Variants in CACNA1C observed in about 807,000 individuals in gnomAD.
CACNA1C encodes the protein voltage-dependent L-type calcium channel subunit alpha-1C.
Under a neutral mutation model 229.0 loss-of-function variants are expected in CACNA1C, and 30 were observed. The ratio of observed to expected loss-of-function variants is 0.13; its 90% CI spans 0.10 to 0.18. The LOEUF is 0.18. Ranked by LOEUF, CACNA1C falls within the 10% of genes least tolerant of loss-of-function variation. The pLI, the probability that CACNA1C is intolerant of heterozygous loss-of-function variation, is 1.00. For missense variants in CACNA1C, 1,658 were observed against 2,845.0 expected (o/e 0.58, Z 9.49); for synonymous variants, 1,114 against 1,132.5 (o/e 0.98, Z 0.33).
chr12:2,291,099 A>C (rs751458638), intron 3 of CACNA1C, among the ~76,000 whole-genome samples: 1 of 152,212 alleles, frequency 6.6e-6, no homozygotes, highest in African/African-American at 2.4e-5. Context: ...GTGATGGTGA[A>C]TATGTCGTAG....
Position 2,486,360 on chromosome 12 carries a change from AG to A in CACNA1C, c.916+101del. 1 of 982,760 alleles carries A rather than the reference AG, an allele frequency of 1.0e-6. No individual in the cohort carries two copies. The allele number at this position is 982,760 out of a possible 1,614,324, so 60.9% of individuals were successfully genotyped here. A position where few individuals can be genotyped will look rare whatever the true frequency, so the allele number is the denominator to read the frequency against. ...TACACCAACATGACCAGCAGAGCCC[AG>A]GGAAGGCCCCATTCATTCAGACACA... is the stretch of plus-strand genomic sequence containing the variant. On this transcript the variant is annotated intron_variant, in intron 6 of 46. Coordinates refer to ENST00000399655, the MANE Select transcript of CACNA1C (RefSeq NM_000719.7). The surrounding 1 kb of genome is among the most constrained non-coding windows in gnomAD (Gnocchi z 4.9).
At chr12:1,985,912 G>A (rs761829854) in intron 1 of CACNA1C, among the ~76,000 whole-genome samples, 1 of 152,044 alleles carries the variant, frequency 6.6e-6, no homozygotes. Flanking sequence ...CTGGGTTCAC[G>A]CCATTCTCCT....
intron 42 of CACNA1C, chr12:2,681,812 A>G (rs2153814394): frequency 6.2e-6 from 4 of 643,066 alleles, no homozygotes; most frequent in South Asian, 5.4e-5. Flanking sequence ...TGATGCCCTC[A>G]GGGGTCTGAG....
chr12:2,023,400 C>G (rs2046796166), intron 1 of CACNA1C, among the ~76,000 whole-genome samples: 2 of 152,180 alleles, frequency 1.3e-5, no homozygotes, highest in South Asian at 4.1e-4. Flanking sequence ...GCTTTTATCA[C>G]TTTCTACTCC....
chr12:2,548,084 T>C (rs2099885147), intron 9 of CACNA1C, among the ~76,000 whole-genome samples: 1 of 139,088 alleles, frequency 7.2e-6, no homozygotes, highest in African/African-American at 2.5e-5. Flanking sequence ...AAAAAAACCT[T>C]TGGGCTGAGA....
chr12:2,412,037 C>T (rs982754786), intron 3 of CACNA1C, among the ~76,000 whole-genome samples: 36 of 151,978 alleles, frequency 2.4e-4, no homozygotes, highest in African/African-American at 6.0e-4. Context: ...TGGCTCCCCA[C>T]GCCCAAGACC....
In CACNA1C at chr12:2,679,809, C is replaced by T; in HGVS notation, c.5444+13C>T. The T allele has an allele frequency of 6.5e-7, 1 of 1,529,788 alleles. No individual in the cohort carries two copies. The allele number at this position is 1,529,788 out of a possible 1,614,324, so 94.8% of individuals were successfully genotyped here. A position where few individuals can be genotyped will look rare whatever the true frequency, so the allele number is the denominator to read the frequency against. On this transcript the variant is annotated intron_variant, in intron 42 of 46. Coordinates refer to ENST00000399655, the MANE Select transcript of CACNA1C (RefSeq NM_000719.7). This position sits in a 1 kb window ranked among gnomAD's most constrained non-coding sequence, Gnocchi z 5.5. ...TCAGCTCCAACAGGTAAGTGGGAGG[C>T]TGGCCACCCCAGGCGGCACACAGGG...
At chr12:2,100,891 A>C (rs1410992720) in intron 1 of CACNA1C, among the ~76,000 whole-genome samples, 1 of 151,442 alleles carries the variant, frequency 6.6e-6, no homozygotes, top group Non-Finnish European at 1.5e-5. Flanking sequence ...CTAAAAACAA[A>C]ACAAAAATCT....
At chr12:2,662,563 C>G (rs1249915280) in intron 34 of CACNA1C, among the ~76,000 whole-genome samples, 1 of 152,164 alleles carries the variant, frequency 6.6e-6, no homozygotes, top group Non-Finnish European at 1.5e-5. Context: ...CAGGATTCTG[C>G]AAATGAATTG....
chr12:2,609,943 G>T (rs1284058032), intron 27 of CACNA1C, among the ~76,000 whole-genome samples: 1 of 152,160 alleles, frequency 6.6e-6, no homozygotes. Flanking sequence ...GGCCAACATG[G>T]TGAAACCCCG....
At chr12:2,498,656 A>G (rs773667275) in intron 7 of CACNA1C, among the ~76,000 whole-genome samples, 9 of 152,238 alleles carry the variant, frequency 5.9e-5, no homozygotes, top group Non-Finnish European at 1.2e-4. Flanking sequence ...CAGCTGAGCC[A>G]TGGGGGTCAG....
In CACNA1C at chr12:2,605,599, G is replaced by T; in HGVS notation, c.3049-80G>T. On this transcript the variant is annotated intron_variant, in intron 23 of 46. Coordinates refer to ENST00000399655, the MANE Select transcript of CACNA1C (RefSeq NM_000719.7). This position sits in a 1 kb window ranked among gnomAD's most constrained non-coding sequence, Gnocchi z 6.2. Reference sequence around the variant, plus strand: ...CCAATTACTCCCCGTTGTGGCAAACGGGCTGCCCCTGCTACCTCCTGGAAA... The same window carrying T: ...CCAATTACTCCCCGTTGTGGCAAACTGGCTGCCCCTGCTACCTCCTGGAAA... The T allele has an allele frequency of 1.0e-6, 1 of 999,038 alleles. No homozygotes were observed. 61.9% of individuals were successfully genotyped at this position (999,038 alleles called of 1,614,324 possible). A position where few individuals can be genotyped will look rare whatever the true frequency, so the allele number is the denominator to read the frequency against.
chr12:2,450,932 C>T (rs1567758983), intron 4 of CACNA1C, among the ~76,000 whole-genome samples: 2 of 152,150 alleles, frequency 1.3e-5, no homozygotes, highest in East Asian at 1.9e-4. Context: ...AGGAGGACGT[C>T]GAGATCATTT....
chr12:2,495,811 C>T lies in CACNA1C; in HGVS notation c.1113+2425C>T, dbSNP rs528616138. ...GTGTGTGCATTTGTATGTGTGTGCA[C>T]GCCTGCAAGTGTGTATACACACACG... On this transcript the variant is annotated intron_variant, in intron 7 of 46. Transcript: ENST00000399655. Among the ~76,000 whole-genome samples, 277 of 152,304 alleles carry T rather than the reference C, an allele frequency of 1.8e-3. 2 individuals carry two copies. Among genetic ancestry groups the T allele is most frequent in the Non-Finnish European group, 3.2e-3 (221 of 68,026 alleles).
At chr12:2,491,023 A>G (rs1342643000) in intron 6 of CACNA1C, among the ~76,000 whole-genome samples, 1 of 152,232 alleles carries the variant, frequency 6.6e-6, no homozygotes, top group African/African-American at 2.4e-5. Flanking sequence ...ATAAACATAC[A>G]ATGAAATACA....
chr12:2,000,911 C>T (rs1054677303), intron 1 of CACNA1C, among the ~76,000 whole-genome samples: 5 of 152,072 alleles, frequency 3.3e-5, no homozygotes, highest in Admixed American at 3.3e-4. Flanking sequence ...GTGGCAGGCG[C>T]CTGTAATCCT....
chr12:2,332,296 A>G (rs7979389), intron 3 of CACNA1C, among the ~76,000 whole-genome samples: 81,784 of 152,086 alleles, frequency 0.54, 23,057 homozygotes, highest in Non-Finnish European at 0.63. Flanking sequence ...GGAAGCATCT[A>G]TGTGAGTGTC....
chr12:2,591,639 A>G (rs74458475), intron 18 of CACNA1C, among the ~76,000 whole-genome samples: 6,971 of 152,110 alleles, frequency 0.046, 231 homozygotes, highest in Middle Eastern at 0.078. Context: ...CGCAGCTCAA[A>G]CAGAGAGAGA....
chr12:2,095,903 T>G (rs1460114571), intron 1 of CACNA1C, among the ~76,000 whole-genome samples: 1 of 152,186 alleles, frequency 6.6e-6, no homozygotes, highest in African/African-American at 2.4e-5. Flanking sequence ...TCACCATCAT[T>G]GGGAATAATG....
Sources: allele counts gnomAD v4.1 joint callset (sites outside exome capture counted in the v4.1 genomes callset), GRCh38; gene constraint gnomAD v4.1.1; non-coding constraint Gnocchi (gnomAD v3.1); transcripts MANE v1.5; gene names NCBI Gene and HGNC (gene_info 2026-07-23, HGNC 2026-07-21).